The following TTC19 variants were observed in gnomAD, a reference collection of about 807,000 sequenced individuals.
TTC19 encodes the protein tetratricopeptide repeat domain 19, also known as tetratricopeptide repeat protein 19, mitochondrial.
In TTC19, 38 loss-of-function variants were observed where a neutral mutation model predicts 49.5. That is an observed-to-expected ratio of 0.77 (90% CI 0.59 to 1.01). TTC19 has a LOEUF of 1.01. Among genes scored for constraint, TTC19 ranks in the 50% least tolerant of loss-of-function variants. The pLI is 0.00. For missense variants in TTC19, 475 were observed against 477.7 expected (o/e 0.99, Z 0.05); for synonymous variants, 204 against 185.2 (o/e 1.10, Z -0.83).
chr17:16,018,410 C>A (rs1971277224), intron 7 of TTC19, among the ~76,000 whole-genome samples: 1 of 152,182 alleles, frequency 6.6e-6, no homozygotes, highest in East Asian at 1.9e-4. Context: ...TCCCCTCTTC[C>A]ATCAGTTTTC....
At chr17:16,029,627 A>G (rs113694459), downstream of TTC19, 5 of 174,512 alleles carry the variant, frequency 2.9e-5, no homozygotes, top group African/African-American at 1.2e-4. Flanking sequence ...CTAAGTCTAC[A>G]AAGAATATCA....
intron 7 of TTC19, among the ~76,000 whole-genome samples, chr17:16,007,802 T>C (rs1386747172): frequency 6.6e-6 from 1 of 152,204 alleles, no homozygotes; most frequent in Non-Finnish European, 1.5e-5. Context: ...GAATTTTTCA[T>C]TTAATATTTT....
chr17:16,022,869 A>G (rs956589731), intron 7 of TTC19, among the ~76,000 whole-genome samples: 20 of 152,204 alleles, frequency 1.3e-4, no homozygotes, highest in Non-Finnish European at 2.9e-5. Flanking sequence ...AAAGAGAATC[A>G]TTTATGTTTG....
chr17:16,000,024 T>C lies in TTC19; in HGVS notation c.176T>C (p.Leu59Pro). The change falls in exon 1 of 10, where the codon CTG becomes CCG. Residue 59 changes from leucine to proline, a missense_variant. Coordinates refer to ENST00000261647, the MANE Select transcript of TTC19 (RefSeq NM_017775.4). ...PHGRGPGLLP[L>P]LAALAWFSRP... ...GGCCGGGGCCCAGGCCTGCTGCCGC[T>C]GCTGGCAGGTGAGGGGCGCGGGCCG... 1 of 1,241,494 alleles carries C rather than the reference T, an allele frequency of 8.1e-7. No homozygotes were observed. Among genetic ancestry groups the C allele is most frequent in the Non-Finnish European group, 1.0e-6 (1 of 995,322 alleles). 76.9% of individuals were successfully genotyped at this position (1,241,494 alleles called of 1,614,324 possible).
Position 16,029,182 on chromosome 17 carries a change from TATTA to T in TTC19, c.*1664_*1667del, listed in dbSNP as rs1376982344. ...TTTTTCATTCCAAGTTTTATTTATT[TATTA>T]ATTTTAAATCATCCACAGTGACTCA... On this transcript the variant is annotated 3_prime_UTR_variant, in exon 10 of 10. Coordinates refer to ENST00000261647, the MANE Select transcript of TTC19 (RefSeq NM_017775.4). 2 of 453,428 alleles carry T rather than the reference TATTA, an allele frequency of 4.4e-6. No individual in the cohort carries two copies. Among genetic ancestry groups the T allele is most frequent in the Admixed American group, 2.4e-5 (1 of 42,496 alleles). 28.1% of individuals were successfully genotyped at this position (453,428 alleles called of 1,614,324 possible).
intron 7 of TTC19, among the ~76,000 whole-genome samples, chr17:16,018,175 G>A (rs911759938): frequency 1.3e-5 from 2 of 152,144 alleles, no homozygotes; most frequent in African/African-American, 4.8e-5. Flanking sequence ...ATTTTCTCCT[G>A]CTCAGATGCT....
intron 9 of TTC19, 156 bp downstream of exon 9, chr17:16,026,858 G>A (rs1235659953): frequency 3.7e-6 from 3 of 802,064 alleles, no homozygotes; most frequent in Non-Finnish European, 6.3e-6. Flanking sequence ...GTATTGATTA[G>A]GTTGAAGTAC....
At chr17:16,007,111 T>G (rs188922348) in intron 7 of TTC19, among the ~76,000 whole-genome samples, 4 of 152,302 alleles carry the variant, frequency 2.6e-5, no homozygotes, top group Admixed American at 2.0e-4. Context: ...ATACCTACTC[T>G]ATACCAAGAG....
chr17:16,026,480 C>T (rs1490586507), intron 8 of TTC19, 60 bp from the exon 9 acceptor site: 7 of 1,526,954 alleles, frequency 4.6e-6, no homozygotes, highest in African/African-American at 1.4e-5. Context: ...ATGCACTCCA[C>T]ATTAAAGTTC....
chr17:16,025,653 C>G (rs1971529852), intron 8 of TTC19, among the ~76,000 whole-genome samples: 1 of 152,202 alleles, frequency 6.6e-6, no homozygotes, highest in Non-Finnish European at 1.5e-5. Context: ...ACGTGTAAAG[C>G]TCTGTGTTAG....
At chr17:16,022,460 G>C (rs16959529) in intron 7 of TTC19, among the ~76,000 whole-genome samples, 3,741 of 152,264 alleles carry the variant, frequency 0.025, 164 homozygotes, top group African/African-American at 0.085. Context: ...TAGTTTAGCA[G>C]AAATTTCAGG....
Position 16,025,006 on chromosome 17 carries a change from T to C in TTC19, c.677-11T>C, listed in dbSNP as rs780896858. 1 of 1,613,842 alleles carries C rather than the reference T, an allele frequency of 6.2e-7. No individual in the cohort carries two copies. Among genetic ancestry groups the C allele is most frequent in the South Asian group, 1.1e-5 (1 of 91,072 alleles). Reference sequence around the variant, plus strand: ...TTTGGGTAGATTTGCTGATTCCTCTTTTCTCCTTAGTGGAAGAGAAAGCCA... The same window carrying C: ...TTTGGGTAGATTTGCTGATTCCTCTCTTCTCCTTAGTGGAAGAGAAAGCCA... On this transcript the variant is annotated splice_polypyrimidine_tract_variant and intron_variant, in intron 7 of 9. Transcript: ENST00000261647.
chr17:16,042,093 C>T (rs1353825090), intron 2 of TTC19, among the ~76,000 whole-genome samples: 1 of 152,104 alleles, frequency 6.6e-6, no homozygotes. Context: ...GGGCTGAGCA[C>T]ATGAGAGGAG....
intron 2 of TTC19, chr17:16,041,329 G>T (rs1049550540): frequency 6.7e-6 from 1 of 148,232 alleles, no homozygotes; most frequent in Non-Finnish European, 1.5e-5. Flanking sequence ...TTGACGCTAA[G>T]AATTTTAAAG....
chr17:16,005,505 A>G (rs1335359715), intron 6 of TTC19, among the ~76,000 whole-genome samples: 2 of 136,934 alleles, frequency 1.5e-5, no homozygotes, highest in Admixed American at 1.3e-4. Context: ...CCAAAACTGA[A>G]GAAAAGAACC....
At chr17:16,017,058 G>T (rs138440369) in intron 7 of TTC19, among the ~76,000 whole-genome samples, 45 of 152,298 alleles carry the variant, frequency 3.0e-4, no homozygotes, top group Middle Eastern at 3.4e-3. Flanking sequence ...CAGTCTCATA[G>T]ATATATTTAT....
At chr17:16,044,646 G>GGA in exon 3 of TTC19, 2 of 644,224 alleles carry the variant, frequency 3.1e-6, no homozygotes, top group Non-Finnish European at 6.0e-6. Context: ...GAGCTCGCCT[G>GGA]CATCTACTCA....
chr17:16,033,846 C>T (rs1329989521), downstream of TTC19, among the ~76,000 whole-genome samples: 1 of 151,776 alleles, frequency 6.6e-6, no homozygotes, highest in African/African-American at 2.4e-5. Context: ...CTTTTTGTTG[C>T]CCAGGCTGGA....
At chr17:16,012,695 C>T (rs1476561327) in intron 7 of TTC19, among the ~76,000 whole-genome samples, 5 of 151,982 alleles carry the variant, frequency 3.3e-5, no homozygotes, top group African/African-American at 9.7e-5. Flanking sequence ...TATGCCACCA[C>T]GCCTGGCTAA....
Sources: allele counts gnomAD v4.1 joint callset (sites outside exome capture counted in the v4.1 genomes callset), GRCh38; gene constraint gnomAD v4.1.1; transcripts MANE v1.5; gene names NCBI Gene and HGNC (gene_info 2026-07-23, HGNC 2026-07-21).